HSD17B8: variants seen among roughly 807,000 people sequenced by gnomAD.
The protein encoded by HSD17B8 is (3R)-3-hydroxyacyl-CoA dehydrogenase.
Under a neutral mutation model 33.2 loss-of-function variants are expected in HSD17B8, and 23 were observed. The ratio of observed to expected loss-of-function variants is 0.69; its 90% CI spans 0.50 to 0.98. HSD17B8 has a LOEUF of 0.98. Ranked by LOEUF, HSD17B8 falls within the 50% of genes least tolerant of loss-of-function variation. The pLI is 0.00. For missense variants in HSD17B8, 345 were observed against 347.5 expected (o/e 0.99, Z 0.06); for synonymous variants, 137 against 138.6 (o/e 0.99, Z 0.08).
Position 33,205,442 on chromosome 6 carries a change from G to A in HSD17B8, c.388-5G>A. 2 of 1,612,936 alleles carry A rather than the reference G, an allele frequency of 1.2e-6. No homozygotes were observed. The highest frequency in any genetic ancestry group is 1.7e-6 in the Non-Finnish European group (2 of 1,179,852). On this transcript the variant is annotated splice_polypyrimidine_tract_variant and splice_region_variant and intron_variant, in intron 3 of 8. Coordinates refer to ENST00000374662, the MANE Select transcript of HSD17B8 (RefSeq NM_014234.5). The surrounding 1 kb of genome is among the most constrained non-coding windows in gnomAD (Gnocchi z 5.0). ...CTTTTCTCCCTTGTTACCCTTTCCC[G>A]CCAGGGCACCTTCCTAGTCACTCAG...
chr6:33,205,203 A>T lies in HSD17B8; in HGVS notation c.271-18A>T. 1 of 1,581,264 alleles carries T rather than the reference A, an allele frequency of 6.3e-7. No homozygotes were observed. Among genetic ancestry groups the T allele is most frequent in the Non-Finnish European group, 8.7e-7 (1 of 1,151,244 alleles). On this transcript the variant is annotated intron_variant, in intron 2 of 8. Coordinates refer to ENST00000374662, the MANE Select transcript of HSD17B8 (RefSeq NM_014234.5). The surrounding 1 kb of genome is among the most constrained non-coding windows in gnomAD (Gnocchi z 5.0). ...TTTTTGTGGGGGGTTTTTGATGCGT[A>T]ACCTCCCCCTCCCATAGGCCTGCTT...
In HSD17B8 at chr6:33,205,223, C is replaced by T. The variant is rs141630682; in HGVS notation, c.273C>T (p.Ala91=). ...AARCLLEQVQ[A]CFSRPPSVVV... is the part of the protein sequence containing the mutation. ...TGCGTAACCTCCCCCTCCCATAGGCCTGCTTTTCTCGCCCACCATCTGTCG... is the reference window on the plus strand; with the variant it reads ...TGCGTAACCTCCCCCTCCCATAGGCTTGCTTTTCTCGCCCACCATCTGTCG... The change falls in exon 3 of 9, where the codon GCC becomes GCT. Residue 91 remains alanine, a splice_region_variant and synonymous_variant. Transcript: ENST00000374662. This position sits in a 1 kb window ranked among gnomAD's most constrained non-coding sequence, Gnocchi z 5.0. 21 of 1,613,116 alleles carry T rather than the reference C, an allele frequency of 1.3e-5. No homozygotes were observed. The highest frequency in any genetic ancestry group is 1.7e-5 in the Admixed American group (1 of 60,006).
In HSD17B8 at chr6:33,205,540, G is replaced by A. The variant is rs1774970693; in HGVS notation, c.480+1G>A. 6.2e-7 allele frequency: 1 copy of A among 1,613,004 alleles called. No individual in the cohort carries two copies. Among genetic ancestry groups the A allele is most frequent in the Non-Finnish European group, 8.5e-7 (1 of 1,179,944 alleles). The stretch of plus-strand genomic sequence containing the variant: ...CAACATCAGTAGCATCGTAGGAAAG[G>A]TCAGGTTGAGTTGGACGAGGTCAGC... On this transcript the variant is annotated splice_donor_variant, in intron 4 of 8. Coordinates refer to ENST00000374662, the MANE Select transcript of HSD17B8 (RefSeq NM_014234.5). LOFTEE classifies it high-confidence loss of function. The surrounding 1 kb of genome is among the most constrained non-coding windows in gnomAD (Gnocchi z 5.0).
Position 33,205,749 on chromosome 6 carries a change from T to C in HSD17B8, c.566+24T>C, listed in dbSNP as rs934545808. 2 of 1,612,626 alleles carry C rather than the reference T, an allele frequency of 1.2e-6. No homozygotes were observed. The highest frequency in any genetic ancestry group is 3.3e-5 in the Admixed American group (2 of 60,018). On this transcript the variant is annotated intron_variant, in intron 5 of 8. Coordinates refer to ENST00000374662, the MANE Select transcript of HSD17B8 (RefSeq NM_014234.5). The surrounding 1 kb of genome is among the most constrained non-coding windows in gnomAD (Gnocchi z 5.0). ...CGGTTGGTCAGATGCTTGAGGGTGC[T>C]GGGGAGCACCTGGGGGGTCTGAGGG...
chr6:33,204,755 A>T (rs774140723), intron 1 of HSD17B8, 35 bp downstream of exon 1: 2 of 1,611,916 alleles, frequency 1.2e-6, no homozygotes, highest in South Asian at 2.2e-5. Flanking sequence ...GGTTTGGGGT[A>T]TTGGAGTGAG....
Position 33,206,074 on chromosome 6 carries a change from A to G in HSD17B8, c.652-60A>G. ...AAATGAAGACAAAAAAGGGTCACAG[A>G]CTCAGTCTTCAAAAAAATCCATAAA... On this transcript the variant is annotated intron_variant, in intron 6 of 8. Transcript: ENST00000374662. The surrounding 1 kb of genome is among the most constrained non-coding windows in gnomAD (Gnocchi z 6.2). The G allele has an allele frequency of 6.4e-7, 1 of 1,561,512 alleles. No homozygotes were observed. The highest frequency in any genetic ancestry group is 8.8e-7 in the Non-Finnish European group (1 of 1,139,818).
In HSD17B8 at chr6:33,206,585, G is replaced by C. The variant is rs1386385385; in HGVS notation, c.770-53G>C. ...CAGGGACAGAAGTGGGTACCCCCTA[G>C]CCCATTTGTGTCTCCACCCATGCAT... On this transcript the variant is annotated intron_variant, in intron 8 of 8. Coordinates refer to ENST00000374662, the MANE Select transcript of HSD17B8 (RefSeq NM_014234.5). This position sits in a 1 kb window ranked among gnomAD's most constrained non-coding sequence, Gnocchi z 6.2. 4.4e-6 allele frequency: 7 copies of C among 1,605,656 alleles called. No individual in the cohort carries two copies. The East Asian group carries it at 1.3e-4, about 31-fold the overall frequency.
Position 33,205,205 on chromosome 6 carries a change from C to A in HSD17B8, c.271-16C>A. Reference sequence around the variant, plus strand: ...TTTGTGGGGGGTTTTTGATGCGTAACCTCCCCCTCCCATAGGCCTGCTTTT... The same window carrying A: ...TTTGTGGGGGGTTTTTGATGCGTAAACTCCCCCTCCCATAGGCCTGCTTTT... On this transcript the variant is annotated splice_polypyrimidine_tract_variant and intron_variant, in intron 2 of 8. Coordinates refer to ENST00000374662, the MANE Select transcript of HSD17B8 (RefSeq NM_014234.5). The surrounding 1 kb of genome is among the most constrained non-coding windows in gnomAD (Gnocchi z 5.0). The A allele has an allele frequency of 6.4e-7, 1 of 1,550,398 alleles. No homozygotes were observed. The highest frequency in any genetic ancestry group is 8.9e-7 in the Non-Finnish European group (1 of 1,123,274).
Position 33,206,477 on chromosome 6 carries a change from G to A in HSD17B8, c.769+28G>A, listed in dbSNP as rs761323980. ...ATGAGGCCAGCATGGGGAGGGAGAG[G>A]GCAGAGAAGTAGAACCCAGACTATA... On this transcript the variant is annotated intron_variant, in intron 8 of 8. Transcript: ENST00000374662. The surrounding 1 kb of genome is among the most constrained non-coding windows in gnomAD (Gnocchi z 6.2). 6 of 1,600,882 alleles carry A rather than the reference G, an allele frequency of 3.7e-6. No homozygotes were observed. Among genetic ancestry groups the A allele is most frequent in the Non-Finnish European group, 5.1e-6 (6 of 1,168,100 alleles).
At position 33,205,659 on chromosome 6, in the gene HSD17B8, C is replaced by T; in HGVS notation, c.500C>T (p.Thr167Ile). Reference sequence around the variant, plus strand: ...CTATAGGTGGGGAACGTGGGGCAGACAAACTATGCAGCATCCAAGGCTGGA... The same window carrying T: ...CTATAGGTGGGGAACGTGGGGCAGATAAACTATGCAGCATCCAAGGCTGGA... Reference protein sequence around the residue: ...IVGKVGNVGQTNYAASKAGVI... With the variant: ...IVGKVGNVGQINYAASKAGVI... Residue 167 changes from threonine to isoleucine, a missense_variant, in exon 5 of 9, where the codon ACA becomes ATA. Coordinates refer to ENST00000374662, the MANE Select transcript of HSD17B8 (RefSeq NM_014234.5). The surrounding 1 kb of genome is among the most constrained non-coding windows in gnomAD (Gnocchi z 5.0). 1.2e-6 allele frequency: 2 copies of T among 1,613,072 alleles called. No individual in the cohort carries two copies. Among genetic ancestry groups the T allele is most frequent in the Non-Finnish European group, 1.7e-6 (2 of 1,180,018 alleles).
rs1554233978 is a variant in HSD17B8, at chr6:33,204,679, A to G, written c.11A>G (p.Gln4Arg). The change falls in exon 1 of 9, where the codon CAG becomes CGG. Residue 4 changes from glutamine (Q) to arginine (R), a missense_variant. Gln to Arg is a conservative substitution (Grantham distance 43). Transcript: ENST00000374662. ...CACCCACAGCCCGCCATGGCGTCTC[A>G]GCTCCAGAACCGACTCCGCTCCGCA... The part of the protein sequence containing the change: MAS[Q>R]LQNRLRSALA... The G allele has an allele frequency of 1.2e-6, 2 of 1,612,874 alleles. No individual in the cohort carries two copies. The highest frequency in any genetic ancestry group is 1.7e-5 in the Admixed American group (1 of 60,016).
In HSD17B8 at chr6:33,204,739, C is replaced by T; in HGVS notation, c.52+19C>T. 2 of 1,612,894 alleles carry T rather than the reference C, an allele frequency of 1.2e-6. No homozygotes were observed. The highest frequency in any genetic ancestry group is 8.5e-7 in the Non-Finnish European group (1 of 1,179,946). On this transcript the variant is annotated intron_variant, in intron 1 of 8. Transcript: ENST00000374662. ...GTCACAGGTTGAGGGGGTTCTTTCC[C>T]CGGGCGGTTTGGGGTATTGGAGTGA...
chr6:33,204,730 G>A lies in HSD17B8; in HGVS notation c.52+10G>A, dbSNP rs751132851. The stretch of plus-strand genomic sequence containing the variant: ...CTGGCCTTGGTCACAGGTTGAGGGG[G>A]TTCTTTCCCCGGGCGGTTTGGGGTA... On this transcript the variant is annotated intron_variant, in intron 1 of 8. Transcript: ENST00000374662. The A allele has an allele frequency of 1.2e-6, 2 of 1,613,042 alleles. No individual in the cohort carries two copies. Among genetic ancestry groups the A allele is most frequent in the Non-Finnish European group, 1.7e-6 (2 of 1,180,002 alleles).
At position 33,206,685 on chromosome 6, in the gene HSD17B8, C is replaced by T. The variant is rs201694173; in HGVS notation, c.*31C>T. 3 of 1,611,170 alleles carry T rather than the reference C, an allele frequency of 1.9e-6. No homozygotes were observed. Among genetic ancestry groups the T allele is most frequent in the East Asian group, 2.2e-5 (1 of 44,874 alleles). ...TCAAGGACCCTGGACTCTGCTCACC[C>T]CCCCACCACTCTGCCTGGCCTCCTG... On this transcript the variant is annotated 3_prime_UTR_variant, in exon 9 of 9. Transcript: ENST00000374662. The surrounding 1 kb of genome is among the most constrained non-coding windows in gnomAD (Gnocchi z 6.2).
At position 33,206,432 on chromosome 6, in the gene HSD17B8, C is replaced by A. The variant is rs1295916982; in HGVS notation, c.752C>A (p.Thr251Asn). The change falls in exon 8 of 9, where the codon ACC becomes AAC. Residue 251 changes from threonine to asparagine, a missense_variant. Physicochemically the swap from Thr to Asn is moderately conservative, Grantham distance 65. Transcript: ENST00000374662. This position sits in a 1 kb window ranked among gnomAD's most constrained non-coding sequence, Gnocchi z 6.2. ...ASEDSGYITG[T>N]SVEVTGGLFM is the part of the protein sequence containing the mutation. Reference sequence around the variant, plus strand: ...GAAGATAGTGGATACATCACAGGGACCTCAGTGGAAGTCACTGGTATGAGG... The same window carrying A: ...GAAGATAGTGGATACATCACAGGGAACTCAGTGGAAGTCACTGGTATGAGG... 6.2e-7 allele frequency: 1 copy of A among 1,613,782 alleles called. No homozygotes were observed. The highest frequency in any genetic ancestry group is 1.6e-4 in the Middle Eastern group (1 of 6,062).
rs757712746 is a variant in HSD17B8 at position 33,205,460 on chromosome 6, T to G, written c.401T>G (p.Val134Gly). Residue 134 changes from valine (V) to glycine (G), a missense_variant, in exon 4 of 9, where the codon GTC (valine) becomes GGC (glycine). By Grantham distance (109) the Val-to-Gly change is moderately radical. Coordinates refer to ENST00000374662, the MANE Select transcript of HSD17B8 (RefSeq NM_014234.5). The surrounding 1 kb of genome is among the most constrained non-coding windows in gnomAD (Gnocchi z 5.0). ...CTTTCCCGCCAGGGCACCTTCCTAG[T>G]CACTCAGGCTGCAGCACAAGCCCTG... is the stretch of plus-strand genomic sequence containing the variant. ...IAVNLKGTFL[V>G]TQAAAQALVS... 4.3e-6 allele frequency: 7 copies of G among 1,613,158 alleles called. No homozygotes were observed. The highest frequency in any genetic ancestry group is 5.9e-6 in the Non-Finnish European group (7 of 1,180,016).
chr6:33,204,820 A>G (rs1774913543), intron 1 of HSD17B8, 82 bp from the exon 2 acceptor site: 1 of 1,550,558 alleles, frequency 6.4e-7, no homozygotes. Flanking sequence ...CCCCTTACCC[A>G]CATTTTACTT....
Position 33,204,969 on chromosome 6 carries a change from C to T in HSD17B8, c.120C>T (p.Ala40=). 2 of 1,472,556 alleles carry T rather than the reference C, an allele frequency of 1.4e-6. No individual in the cohort carries two copies. Among genetic ancestry groups the T allele is most frequent in the African/African-American group, 1.4e-5 (1 of 70,792 alleles). 91.2% of individuals were successfully genotyped at this position (1,472,556 alleles called of 1,614,324 possible). A position where few individuals can be genotyped will look rare whatever the true frequency, so the allele number is the denominator to read the frequency against. The change falls in exon 2 of 9, where the codon GCC becomes GCT. Residue 40 remains alanine (A), a synonymous_variant. Transcript: ENST00000374662. The stretch of plus-strand genomic sequence containing the variant: ...CCGGAGAGGGGGCCACCGTAGCTGC[C>T]TGCGACCTGGACCGGGCAGCGGCAC... The part of the protein sequence containing the change: ...RLAGEGATVA[A]CDLDRAAAQE...
In HSD17B8 at chr6:33,205,055, A is replaced by C; in HGVS notation, c.206A>C (p.His69Pro). The stretch of plus-strand genomic sequence containing the variant: ...AAGGAGGGGCCGCCCCGAGGGAACC[A>C]TGCTGCCTTCCAGGCTGACGTGTCT... Reference protein sequence around the residue: ...GSKEGPPRGNHAAFQADVSEA... With the variant: ...GSKEGPPRGNPAAFQADVSEA... Residue 69 changes from histidine to proline, a missense_variant, in exon 2 of 9, where the codon CAT becomes CCT. Coordinates refer to ENST00000374662, the MANE Select transcript of HSD17B8 (RefSeq NM_014234.5). This position sits in a 1 kb window ranked among gnomAD's most constrained non-coding sequence, Gnocchi z 5.0. The C allele has an allele frequency of 6.4e-7, 1 of 1,559,708 alleles. No individual in the cohort carries two copies. The highest frequency in any genetic ancestry group is 8.7e-7 in the Non-Finnish European group (1 of 1,154,558).
Sources: gnomAD v4.1 joint callset for allele counts on GRCh38, gnomAD v4.1.1 for gene constraint, Gnocchi (gnomAD v3.1) non-coding constraint, MANE v1.5 for transcripts, NCBI Gene and HGNC (gene_info 2026-07-23, HGNC 2026-07-21) for gene names.